The following ABCA1 variants were observed in gnomAD, a reference collection of about 807,000 sequenced individuals.
The protein encoded by ABCA1 is phospholipid-transporting ATPase ABCA1.
In ABCA1, 133 loss-of-function variants were observed where a neutral mutation model predicts 262.5. The ratio of observed to expected loss-of-function variants is 0.51; its 90% CI spans 0.44 to 0.59. The LOEUF is 0.59. Among genes scored for constraint, ABCA1 ranks in the 20% least tolerant of loss-of-function variants. ABCA1 has a pLI of 0.00. For synonymous variants in ABCA1, 1,022 were observed against 1,043.5 expected (o/e 0.98, Z 0.40); for missense variants, 2,452 against 2,777.5 (o/e 0.88, Z 2.63).
At chr9:104,827,753 C>T (rs1182885503) in intron 15 of ABCA1, among the ~76,000 whole-genome samples, 4 of 152,224 alleles carry the variant, frequency 2.6e-5, no homozygotes, top group Admixed American at 6.5e-5. Flanking sequence ...TGCCACTGAC[C>T]TTCCCCTTGC....
intron 16 of ABCA1, among the ~76,000 whole-genome samples, chr9:104,826,264 G>A (rs988652350): frequency 6.6e-6 from 1 of 152,212 alleles, no homozygotes; most frequent in Non-Finnish European, 1.5e-5. Context: ...GATCAGAGGT[G>A]CCTGTTTGGG....
At chr9:104,784,790 C>A (rs111387588) in intron 49 of ABCA1, among the ~76,000 whole-genome samples, 127 of 152,222 alleles carry the variant, frequency 8.3e-4, no homozygotes, top group African/African-American at 2.8e-3. Context: ...ACTACAAGTG[C>A]GCACCACCAT....
chr9:104,846,843 A>AT (rs918243853), intron 7 of ABCA1, among the ~76,000 whole-genome samples: 8 of 152,184 alleles, frequency 5.3e-5, no homozygotes, highest in African/African-American at 1.9e-4. Context: ...GGTGTTCATG[A>AT]TTGTTCCTTC....
intron 1 of ABCA1, among the ~76,000 whole-genome samples, chr9:104,926,421 A>G (rs1393316722): frequency 1.3e-5 from 2 of 149,700 alleles, no homozygotes; most frequent in Non-Finnish European, 3.0e-5. Context: ...TGCTTTACCA[A>G]TGGCCTGGGA....
chr9:104,894,000 T>G (rs1839992311), intron 2 of ABCA1, among the ~76,000 whole-genome samples: 1 of 152,320 alleles, frequency 6.6e-6, no homozygotes, highest in African/African-American at 2.4e-5. Flanking sequence ...GTGAGGTAGG[T>G]TGTATCATTA....
chr9:104,906,570 C>T (rs972996474), intron 1 of ABCA1, among the ~76,000 whole-genome samples: 2 of 151,972 alleles, frequency 1.3e-5, no homozygotes, highest in African/African-American at 4.8e-5. Context: ...CCCACCTTGG[C>T]ACTGACCTGG....
chr9:104,823,309 T>C (rs1399038583), intron 18 of ABCA1, among the ~76,000 whole-genome samples: 1 of 152,082 alleles, frequency 6.6e-6, no homozygotes, highest in Non-Finnish European at 1.5e-5. Flanking sequence ...TAAAATTGCA[T>C]AGAACTAAAT....
At chr9:104,810,486 A>T (rs1165199722) in intron 29 of ABCA1, among the ~76,000 whole-genome samples, 8 of 152,194 alleles carry the variant, frequency 5.3e-5, no homozygotes, top group Non-Finnish European at 1.2e-4. Context: ...ACAGCTCCAC[A>T]AATCCAAATA....
chr9:104,913,961 GGCT>G (rs1314479430), intron 1 of ABCA1, among the ~76,000 whole-genome samples: 1 of 74,390 alleles, frequency 1.3e-5, no homozygotes, highest in Admixed American at 1.6e-4. Flanking sequence ...CAACACGCCC[GGCT>G]AATTTTTTGT....
At chr9:104,855,346 G>A (rs915715870) in intron 7 of ABCA1, 4 of 174,802 alleles carry the variant, frequency 2.3e-5, no homozygotes, top group African/African-American at 4.8e-5. Flanking sequence ...ACAGGTGTGC[G>A]CCACCACGCC....
At chr9:104,809,026 G>A (rs1766718637) in intron 30 of ABCA1, among the ~76,000 whole-genome samples, 1 of 152,200 alleles carries the variant, frequency 6.6e-6, no homozygotes, top group Non-Finnish European at 1.5e-5. Flanking sequence ...TTGAGAAGAA[G>A]AAAGTGTCCC....
chr9:104,832,450 G>T, intron 12 of ABCA1, 124 bp downstream of exon 12: 2 of 1,049,102 alleles, frequency 1.9e-6, no homozygotes, highest in East Asian at 5.0e-5. Flanking sequence ...TTAGGCTTGA[G>T]GGATAGTTTT....
intron 25 of ABCA1, among the ~76,000 whole-genome samples, chr9:104,815,163 G>A (rs1588280117): frequency 6.6e-6 from 1 of 152,160 alleles, no homozygotes; most frequent in Admixed American, 6.5e-5. Context: ...ATGAGCAGGA[G>A]GAAATAGAGC....
rs541557115 is a variant in ABCA1 at position 104,806,285 on chromosome 9, G to A, written c.4420C>T (p.Leu1474=). ...QCSSDKIKKM[L]PVCPPGAGGL... ...CCTGCCCCTGGGGGACACACAGGCAGCATCTTCTTGATTTTGTCGCTGCTA... is the reference window on the plus strand; with the variant it reads ...CCTGCCCCTGGGGGACACACAGGCAACATCTTCTTGATTTTGTCGCTGCTA... The change falls in exon 31 of 50, where the codon CTG becomes TTG. Residue 1474 remains leucine (L), a synonymous_variant. Transcript: ENST00000374736. The A allele has an allele frequency of 1.9e-6, 3 of 1,613,960 alleles. No individual in the cohort carries two copies. In the South Asian group the frequency reaches 3.3e-5, roughly 18 times the overall value.
At chr9:104,898,805 T>C (rs60554907) in intron 2 of ABCA1, among the ~76,000 whole-genome samples, 2,759 of 152,182 alleles carry the variant, frequency 0.018, 80 homozygotes, top group African/African-American at 0.064. Context: ...TGGCTAACCA[T>C]TGCTTGAACT....
chr9:104,857,935 C>A (rs1284788727), intron 7 of ABCA1, among the ~76,000 whole-genome samples: 1 of 152,172 alleles, frequency 6.6e-6, no homozygotes, highest in Non-Finnish European at 1.5e-5. Flanking sequence ...TGCTCAGGCT[C>A]ACCAGTATTT....
intron 45 of ABCA1, 36 bp from the exon 46 acceptor site, chr9:104,788,090 C>G (rs764680261): frequency 5.6e-6 from 9 of 1,608,548 alleles, no homozygotes; most frequent in Non-Finnish European, 6.8e-6. Context: ...TTTGGTCTGG[C>G]TTGGGAATTT....
At chr9:104,823,676 T>A (rs755742568) in intron 18 of ABCA1, among the ~76,000 whole-genome samples, 6 of 151,948 alleles carry the variant, frequency 3.9e-5, no homozygotes, top group Non-Finnish European at 7.4e-5. Flanking sequence ...GAGAGAAAGT[T>A]CTCCTGTGAG....
chr9:104,831,729 A>C lies in ABCA1; in HGVS notation c.1608T>G (p.Ile536Met). 6.2e-7 allele frequency: 1 copy of C among 1,614,218 alleles called. No individual in the cohort carries two copies. The highest frequency in any genetic ancestry group is 8.5e-7 in the Non-Finnish European group (1 of 1,180,042). ...LLDERKFWAG[I>M]VFTGITPGSI... ...TGCCTGGAGTAATTCCAGTGAACACAATACCAGCCCAGAACTTCCTCTCAT... is the reference window on the plus strand; with the variant it reads ...TGCCTGGAGTAATTCCAGTGAACACCATACCAGCCCAGAACTTCCTCTCAT... The change falls in exon 13 of 50, where the codon ATT becomes ATG. Residue 536 changes from isoleucine (I) to methionine (M), a missense_variant. By Grantham distance (10) the Ile-to-Met change is conservative. This residue lies in a region of ABCA1 where 1,032 missense variants were observed against 1,089.7 expected (regional missense o/e 0.95). Transcript: ENST00000374736.
Sources: allele counts gnomAD v4.1 joint callset (sites outside exome capture counted in the v4.1 genomes callset), GRCh38; gene constraint gnomAD v4.1.1; regional missense constraint gnomAD v4.1.1; transcripts MANE v1.5; gene names NCBI Gene and HGNC (gene_info 2026-07-23, HGNC 2026-07-21).